Variants in HAS2 observed in about 807,000 individuals in gnomAD.
HAS2 encodes HA synthase 2.
Under a neutral mutation model 51.6 loss-of-function variants are expected in HAS2, and 16 were observed. That is an observed-to-expected ratio of 0.31 (90% confidence interval 0.21 to 0.47). The LOEUF (loss-of-function observed/expected upper bound fraction) is 0.47, where lower values mean the gene tolerates loss of function less well. HAS2 is among the 20% of genes least tolerant of loss of function. The pLI is 1.00. For missense variants in HAS2, 361 were observed against 662.6 expected, an observed-to-expected ratio of 0.54 and a Z score of 5.00; for synonymous variants, 228 against 235.5, an observed-to-expected ratio of 0.97 and a Z score of 0.29.
chr8:121,619,314 T>A (rs1361220686), intron 2 of HAS2, among the ~76,000 whole-genome samples: 1 of 152,156 alleles, frequency 6.6e-6, no homozygotes, highest in Non-Finnish European at 1.5e-5. Context: ...CTGGTGAAAA[T>A]AGCAATTTAA....
At chr8:121,619,689 T>G (rs1001309352) in intron 2 of HAS2, among the ~76,000 whole-genome samples, 1 of 152,158 alleles carries the variant, frequency 6.6e-6, no homozygotes, top group African/African-American at 2.4e-5. Context: ...CCATGCCCTG[T>G]CTATCCCTGG....
chr8:121,631,224 G>A (rs111713439), intron 1 of HAS2, among the ~76,000 whole-genome samples: 12 of 152,268 alleles, frequency 7.9e-5, no homozygotes, highest in African/African-American at 2.2e-4. Flanking sequence ...GGACTCTTAC[G>A]TTGGCACAAA....
chr8:121,618,462 G>A (rs1812735398), intron 2 of HAS2, among the ~76,000 whole-genome samples: 1 of 151,960 alleles, frequency 6.6e-6, no homozygotes, highest in African/African-American at 2.4e-5. Flanking sequence ...TCACTAATAA[G>A]ATTAAGTCAC....
chr8:121,641,316 G>A lies in HAS2; in HGVS notation c.-464C>T, dbSNP rs911115837. Reference sequence around the variant, plus strand: ...AATTGGGAGAAAAGTCTTTGGCTGGGGCTGTTTCAAGTCTCTGGTTCAATG... The same window carrying A: ...AATTGGGAGAAAAGTCTTTGGCTGGAGCTGTTTCAAGTCTCTGGTTCAATG... On this transcript the variant is annotated 5_prime_UTR_variant, in exon 1 of 4. Coordinates refer to ENST00000303924, the MANE Select transcript of HAS2 (RefSeq NM_005328.3). 1 of 150,844 alleles carries A rather than the reference G, an allele frequency of 6.6e-6. No individual in the cohort carries two copies. Among genetic ancestry groups the A allele is most frequent in the East Asian group, 2.0e-4 (1 of 5,116 alleles). 9.3% of individuals were successfully genotyped at this position (150,844 alleles called of 1,614,324 possible). A position where few individuals can be genotyped will look rare whatever the true frequency, so the allele number is the denominator to read the frequency against.
chr8:121,615,113 T>C (rs928848527), intron 3 of HAS2, 75 bp from the exon 4 acceptor site: 10 of 960,074 alleles, frequency 1.0e-5, no homozygotes, highest in African/African-American at 1.6e-5. Context: ...ATCCTGAGGT[T>C]ACTACCTGGA....
At chr8:121,618,055 T>A (rs1157675980) in intron 2 of HAS2, among the ~76,000 whole-genome samples, 2 of 151,790 alleles carry the variant, frequency 1.3e-5, no homozygotes, top group Non-Finnish European at 2.9e-5. Context: ...TCAAGAAAAT[T>A]TTTGGAATTA....
At chr8:121,637,700 G>C (rs1813029754) in intron 1 of HAS2, among the ~76,000 whole-genome samples, 1 of 152,272 alleles carries the variant, frequency 6.6e-6, no homozygotes, top group Non-Finnish European at 1.5e-5. Context: ...ATAATTTAAG[G>C]CTGTATGCAG....
Position 121,614,621 on chromosome 8 carries a change from T to A in HAS2, c.1147A>T (p.Thr383Ser), listed in dbSNP as rs747959580. 6.2e-7 allele frequency: 1 copy of A among 1,614,050 alleles called. No homozygotes were observed. Among genetic ancestry groups the A allele is most frequent in the Admixed American group, 1.7e-5 (1 of 60,026 alleles). ...HLWMTYEAII[T>S]GFFPFFLIAT... ...ATGAGAAAGAAAGGAAAGAATCCAG[T>A]GATAATCGCTTCGTAGGTCATCCAC... The change falls in exon 4 of 4, where the codon ACT (threonine) becomes TCT (serine). Residue 383 changes from threonine to serine, a missense_variant. Coordinates refer to ENST00000303924, the MANE Select transcript of HAS2 (RefSeq NM_005328.3). The surrounding 1 kb of genome is among the most constrained non-coding windows in gnomAD (Gnocchi z 7.2).
chr8:121,629,356 A>T lies in HAS2; in HGVS notation c.1-16T>A, dbSNP rs1305268837. The T allele has an allele frequency of 1.3e-6, 2 of 1,590,356 alleles. No individual in the cohort carries two copies. Among genetic ancestry groups the T allele is most frequent in the Non-Finnish European group, 1.7e-6 (2 of 1,164,728 alleles). ...CACAATGCATCTGTAATATAATCAG[A>T]TGATACTCTTGGTTAACCATGATTG... is the stretch of plus-strand genomic sequence containing the variant. On this transcript the variant is annotated splice_polypyrimidine_tract_variant and intron_variant, in intron 1 of 3. Transcript: ENST00000303924.
chr8:121,632,308 C>A (rs762033093), intron 1 of HAS2, among the ~76,000 whole-genome samples: 54 of 152,146 alleles, frequency 3.5e-4, no homozygotes, highest in Non-Finnish European at 6.3e-4. Flanking sequence ...CTGAGACAAT[C>A]CCCAATTCAA....
At chr8:121,634,452 C>T (rs1812982317) in intron 1 of HAS2, among the ~76,000 whole-genome samples, 1 of 151,700 alleles carries the variant, frequency 6.6e-6, no homozygotes, top group Non-Finnish European at 1.5e-5. Context: ...CTCCCCTTAA[C>T]CTGCTTGATT....
chr8:121,614,220 C>A lies in HAS2; in HGVS notation c.1548G>T (p.Thr516=), dbSNP rs1363195488. ...ESKQTVLIVG[T]LLYACYWVML... ...TGACCCAATAGCATGCATAGAGCAA[C>A]GTTCCAACAATTAGAACTGTCTGTT... The change falls in exon 4 of 4, where the codon ACG becomes ACT. Residue 516 remains threonine, a synonymous_variant. Transcript: ENST00000303924. This position sits in a 1 kb window ranked among gnomAD's most constrained non-coding sequence, Gnocchi z 7.2. 1.2e-6 allele frequency: 2 copies of A among 1,613,980 alleles called. No homozygotes were observed. Among genetic ancestry groups the A allele is most frequent in the Non-Finnish European group, 1.7e-6 (2 of 1,179,986 alleles).
At chr8:121,619,642 C>A (rs1425442813) in intron 2 of HAS2, among the ~76,000 whole-genome samples, 1 of 152,140 alleles carries the variant, frequency 6.6e-6, no homozygotes, top group African/African-American at 2.4e-5. Context: ...CCTCCGGAAC[C>A]TAGAAGAATT....
intron 1 of HAS2, chr8:121,639,675 T>A (rs956263288): frequency 6.6e-6 from 1 of 152,468 alleles, no homozygotes; most frequent in Non-Finnish European, 1.5e-5. Flanking sequence ...TGCGTTTCCG[T>A]GGTCAGAGGA....
intron 1 of HAS2, among the ~76,000 whole-genome samples, chr8:121,635,228 T>C (rs1222355766): frequency 6.6e-6 from 1 of 152,202 alleles, no homozygotes; most frequent in East Asian, 1.9e-4. Context: ...CTCTTCCTTT[T>C]AGTGGCTGGA....
rs1280835378 is a variant in HAS2 at position 121,612,360 on chromosome 8, T to A, written c.*1749A>T. ...TGTTTTCCACAAGCTCTCCAATCAG[T>A]GAGAGTCTTGAGTCTCAGATGTACC... On this transcript the variant is annotated 3_prime_UTR_variant, in exon 4 of 4. Transcript: ENST00000303924. 7 of 152,166 alleles carry A rather than the reference T, an allele frequency of 4.6e-5. No homozygotes were observed. Among genetic ancestry groups the A allele is most frequent in the Non-Finnish European group, 8.8e-5 (6 of 68,012 alleles). 9.4% of individuals were successfully genotyped at this position (152,166 alleles called of 1,614,324 possible). A position where few individuals can be genotyped will look rare whatever the true frequency, so the allele number is the denominator to read the frequency against.
intron 1 of HAS2, among the ~76,000 whole-genome samples, chr8:121,636,225 A>G (rs1813006087): frequency 6.6e-6 from 1 of 152,176 alleles, no homozygotes; most frequent in Non-Finnish European, 1.5e-5. Flanking sequence ...TCATGACCTC[A>G]TTCACATTGA....
At chr8:121,624,717 A>G (rs573736179) in intron 2 of HAS2, among the ~76,000 whole-genome samples, 23 of 152,290 alleles carry the variant, frequency 1.5e-4, no homozygotes, top group African/African-American at 5.5e-4. Flanking sequence ...ATACTGTTTT[A>G]TGTTTTCCTT....
intron 1 of HAS2, among the ~76,000 whole-genome samples, chr8:121,636,095 C>T (rs1285285560): frequency 6.6e-6 from 1 of 152,208 alleles, no homozygotes; most frequent in African/African-American, 2.4e-5. Context: ...CTGTGGCTCC[C>T]ACATTTTGAG....
Sources: gnomAD v4.1 joint callset for allele counts (sites outside exome capture counted in the v4.1 genomes callset) on GRCh38, gnomAD v4.1.1 for gene constraint, Gnocchi (gnomAD v3.1) non-coding constraint, MANE v1.5 for transcripts, NCBI Gene and HGNC (gene_info 2026-07-23, HGNC 2026-07-21) for gene names.